TAX1BP1: variants seen among roughly 807,000 people sequenced by gnomAD.
TAX1BP1 encodes the protein tax1-binding protein 1.
A neutral mutation model predicts 97.7 loss-of-function variants in TAX1BP1; 62 were observed. That is an observed-to-expected ratio of 0.63 (90% CI 0.52 to 0.78). TAX1BP1 has a LOEUF of 0.78. Among genes scored for constraint, TAX1BP1 ranks in the 30% least tolerant of loss-of-function variants. The probability of loss-of-function intolerance (pLI) is 0.00; values close to 1 mark genes in which losing one functional copy is unlikely to be tolerated. For synonymous variants in TAX1BP1, 340 were observed against 304.2 expected, an observed-to-expected ratio of 1.12 and a Z score of -1.23; for missense variants, 867 against 916.1, an observed-to-expected ratio of 0.95 and a Z score of 0.69.
In TAX1BP1 at chr7:27,770,960, A is replaced by G. The variant is rs149172181; in HGVS notation, c.612+1126A>G. Among the ~76,000 whole-genome samples the G allele has an allele frequency of 1.4e-4, 21 of 152,120 alleles. No homozygotes were observed. The East Asian group carries it at 3.9e-3, about 28-fold the overall frequency. On this transcript the variant is annotated intron_variant, in intron 5 of 16. Transcript: ENST00000396319. ...TGGGGAACACTTAGTGTCCTGCAGC[A>G]GACTATAGGAGTAGGATTTTCCATT...
At chr7:27,763,303 T>C (rs533636747) in intron 3 of TAX1BP1, among the ~76,000 whole-genome samples, 1 of 152,342 alleles carries the variant, frequency 6.6e-6, no homozygotes, top group South Asian at 2.1e-4. Context: ...TCTGTAAAAT[T>C]TGACTCGAAA....
At chr7:27,749,949 C>T (rs1302975958) in intron 2 of TAX1BP1, among the ~76,000 whole-genome samples, 1 of 152,014 alleles carries the variant, frequency 6.6e-6, no homozygotes, top group Non-Finnish European at 1.5e-5. Flanking sequence ...AACACCACGC[C>T]TGGCTAATTT....
chr7:27,748,543 G>GT lies in TAX1BP1; in HGVS notation c.20dup (p.Leu9IlefsTer21). The stretch of plus-strand genomic sequence containing the variant: ...ATTCACAATGACATCCTTTCAAGAA[G>GT]TCCCATTGCAGACTTCCAACTTTGC... On this transcript the variant is annotated frameshift_variant, in exon 2 of 17. Coordinates refer to ENST00000396319, the MANE Select transcript of TAX1BP1 (RefSeq NM_006024.7). LOFTEE classifies it high-confidence loss of function. The GT allele has an allele frequency of 6.3e-7, 1 of 1,594,174 alleles. No individual in the cohort carries two copies. Among genetic ancestry groups the GT allele is most frequent in the Non-Finnish European group, 8.6e-7 (1 of 1,168,986 alleles).
chr7:27,795,455 A>G (rs958942735), intron 11 of TAX1BP1, among the ~76,000 whole-genome samples: 1 of 152,188 alleles, frequency 6.6e-6, no homozygotes. Flanking sequence ...GAGAGGGGAA[A>G]GAGAATTCTC....
intron 5 of TAX1BP1, among the ~76,000 whole-genome samples, chr7:27,783,662 T>G (rs1360112073): frequency 6.6e-6 from 1 of 152,242 alleles, no homozygotes; most frequent in Non-Finnish European, 1.5e-5. Flanking sequence ...TTATAGGGCT[T>G]CATTACTTAC....
intron 12 of TAX1BP1, among the ~76,000 whole-genome samples, chr7:27,799,011 A>T (rs1790038743): frequency 6.6e-6 from 1 of 152,052 alleles, no homozygotes; most frequent in Non-Finnish European, 1.5e-5. Flanking sequence ...CAAAATTTAA[A>T]TTTTGATAAA....
chr7:27,820,293 C>T (rs1790926005), intron 15 of TAX1BP1, among the ~76,000 whole-genome samples: 1 of 152,000 alleles, frequency 6.6e-6, no homozygotes, highest in South Asian at 2.1e-4. Flanking sequence ...TCACATGAGC[C>T]CTTCACTGTG....
intron 10 of TAX1BP1, 98 bp from the exon 11 acceptor site, chr7:27,794,225 T>C: frequency 9.1e-7 from 1 of 1,103,000 alleles, no homozygotes; most frequent in Non-Finnish European, 1.2e-6. Context: ...TAGGATTTCC[T>C]AAAGTAATAT....
chr7:27,819,486 C>G (rs1365317776), intron 15 of TAX1BP1, among the ~76,000 whole-genome samples: 1 of 152,058 alleles, frequency 6.6e-6, no homozygotes, highest in African/African-American at 2.4e-5. Context: ...ACCAGCATCT[C>G]GAAGATAAGA....
intron 13 of TAX1BP1, among the ~76,000 whole-genome samples, chr7:27,807,216 C>T (rs1790372701): frequency 6.6e-6 from 1 of 152,116 alleles, no homozygotes; most frequent in Non-Finnish European, 1.5e-5. Flanking sequence ...CATATTGTAT[C>T]CTCAGTACAA....
At chr7:27,763,464 T>G (rs926780038) in intron 3 of TAX1BP1, among the ~76,000 whole-genome samples, 1 of 152,116 alleles carries the variant, frequency 6.6e-6, no homozygotes, top group Non-Finnish European at 1.5e-5. Flanking sequence ...AGTTTTTGTT[T>G]TTTAAAGAAT....
intron 13 of TAX1BP1, among the ~76,000 whole-genome samples, chr7:27,813,122 A>G (rs1413356078): frequency 6.7e-6 from 1 of 149,070 alleles, no homozygotes; most frequent in African/African-American, 2.5e-5. Flanking sequence ...ATCAGGTTTC[A>G]TAAGTCCTCC....
chr7:27,787,058 G>A (rs756407267), intron 7 of TAX1BP1, among the ~76,000 whole-genome samples: 2 of 152,148 alleles, frequency 1.3e-5, no homozygotes, highest in South Asian at 2.1e-4. Flanking sequence ...GAGTCTTGTC[G>A]TGCCAGATTT....
At chr7:27,824,995 G>A (rs975048040) in intron 15 of TAX1BP1, among the ~76,000 whole-genome samples, 4 of 152,228 alleles carry the variant, frequency 2.6e-5, no homozygotes, top group Middle Eastern at 3.4e-3. Context: ...TTTCAGTGCT[G>A]AAACTGATAA....
intron 13 of TAX1BP1, 29 bp downstream of exon 13, chr7:27,800,119 T>C (rs1423226079): frequency 7.2e-6 from 11 of 1,528,066 alleles, no homozygotes; most frequent in Non-Finnish European, 9.7e-6. Context: ...GTATGTAAAC[T>C]TAAGGCATAA....
chr7:27,751,674 T>C (rs1489614551), intron 2 of TAX1BP1, among the ~76,000 whole-genome samples: 1 of 152,172 alleles, frequency 6.6e-6, no homozygotes, highest in Admixed American at 6.5e-5. Context: ...AGAGTGATTT[T>C]GATAGACACC....
intron 5 of TAX1BP1, among the ~76,000 whole-genome samples, chr7:27,778,017 G>A (rs924362066): frequency 5.9e-5 from 9 of 152,132 alleles, no homozygotes; most frequent in African/African-American, 2.2e-4. Context: ...TTATTTAGAG[G>A]AGCCAAGATA....
chr7:27,808,381 T>C (rs1790424916), intron 13 of TAX1BP1, among the ~76,000 whole-genome samples: 1 of 152,222 alleles, frequency 6.6e-6, no homozygotes, highest in South Asian at 2.1e-4. Context: ...TTCCTTGATA[T>C]ATTTACTCAA....
intron 3 of TAX1BP1, among the ~76,000 whole-genome samples, chr7:27,760,556 C>A (rs1165063724): frequency 6.6e-6 from 1 of 151,972 alleles, no homozygotes; most frequent in Non-Finnish European, 1.5e-5. Flanking sequence ...CCATGCCTGG[C>A]TAATTTTTTT....
Sources: allele counts gnomAD v4.1 joint callset (sites outside exome capture counted in the v4.1 genomes callset), GRCh38; gene constraint gnomAD v4.1.1; transcripts MANE v1.5; gene names NCBI Gene and HGNC (gene_info 2026-07-23, HGNC 2026-07-21).